Variants in ERC2 observed in about 807,000 individuals in gnomAD.
ERC2 encodes the protein ELKS/RAB6-interacting/CAST family member 2, also known as ERC protein 2.
ERC2 carries 42 observed loss-of-function variants against 114.8 expected under a neutral mutation model. The observed-to-expected ratio is 0.37, with a 90% CI of 0.29 to 0.47. ERC2 has a LOEUF of 0.47. Ranked by LOEUF, ERC2 falls within the 20% of genes least tolerant of loss-of-function variation. The pLI is 0.99. For missense variants in ERC2, 939 were observed against 1,150.7 expected (o/e 0.82, Z 2.66); for synonymous variants, 454 against 425.5 (o/e 1.07, Z -0.82).
At chr3:56,264,612 C>A (rs1447340444) in intron 3 of ERC2, among the ~76,000 whole-genome samples, 2 of 147,526 alleles carry the variant, frequency 1.4e-5, no homozygotes, top group African/African-American at 2.5e-5. Flanking sequence ...AAAAAAAAAT[C>A]AATAAGGCAA....
intron 3 of ERC2, among the ~76,000 whole-genome samples, chr3:56,280,541 C>G (rs534147288): frequency 6.6e-6 from 1 of 152,186 alleles, no homozygotes; most frequent in Non-Finnish European, 1.5e-5. Context: ...TCTGGACAGG[C>G]TAATCCCAAT....
chr3:55,896,977 T>C (rs1432996691), intron 13 of ERC2, among the ~76,000 whole-genome samples: 1 of 152,254 alleles, frequency 6.6e-6, no homozygotes, highest in Non-Finnish European at 1.5e-5. Flanking sequence ...GAATAATTCA[T>C]AACTGTTCAC....
chr3:55,677,250 C>T (rs981349871), intron 17 of ERC2, among the ~76,000 whole-genome samples: 1 of 152,196 alleles, frequency 6.6e-6, no homozygotes, highest in African/African-American at 2.4e-5. Flanking sequence ...AACAATCAAA[C>T]TTTCCTTTGC....
intron 2 of ERC2, among the ~76,000 whole-genome samples, chr3:56,376,823 G>A (rs2059563266): frequency 6.6e-6 from 1 of 152,078 alleles, no homozygotes; most frequent in Non-Finnish European, 1.5e-5. Flanking sequence ...AGCTAAGAGT[G>A]GGGCAGATTA....
At chr3:56,223,716 G>T (rs1171764495) in intron 3 of ERC2, among the ~76,000 whole-genome samples, 1 of 151,994 alleles carries the variant, frequency 6.6e-6, no homozygotes, top group African/African-American at 2.4e-5. Flanking sequence ...TTAGGACCCA[G>T]CCCTAGTAAT....
intron 1 of ERC2, among the ~76,000 whole-genome samples, chr3:56,461,155 C>G (rs75709692): frequency 0.021 from 3,201 of 152,138 alleles, 44 homozygotes; most frequent in Non-Finnish European, 0.031. Context: ...AGATGCCAGC[C>G]CACTCTTTTC....
chr3:56,441,048 A>T (rs574329408), intron 1 of ERC2, among the ~76,000 whole-genome samples: 1 of 152,294 alleles, frequency 6.6e-6, no homozygotes, highest in Admixed American at 6.5e-5. Context: ...AGTAGAGGAG[A>T]CACTGTTCCA....
At chr3:56,467,619 G>A (rs2063607791) in intron 1 of ERC2, among the ~76,000 whole-genome samples, 1 of 152,006 alleles carries the variant, frequency 6.6e-6, no homozygotes. Context: ...GAGATGGGGA[G>A]GAGGAGAGAA....
At position 56,387,365 on chromosome 3, in the gene ERC2, G is replaced by T. The variant is rs1415349297; in HGVS notation, c.657+46986C>A. Among the ~76,000 whole-genome samples, 4 of 152,196 alleles carry T rather than the reference G, an allele frequency of 2.6e-5. No individual in the cohort carries two copies. The East Asian group carries it at 7.7e-4, about 29-fold the overall frequency. The stretch of plus-strand genomic sequence containing the variant: ...CTCAAGGATTCTCATCACATTGTGG[G>T]TGTTCTTGGCTTCTCTTTAACCTGT... On this transcript the variant is annotated intron_variant, in intron 2 of 17. Transcript: ENST00000288221.
At chr3:55,969,333 G>T (rs1452102271) in intron 12 of ERC2, among the ~76,000 whole-genome samples, 1 of 151,832 alleles carries the variant, frequency 6.6e-6, no homozygotes, top group South Asian at 2.1e-4. Context: ...AAGATGGTAT[G>T]CTGGAGAGCC....
At chr3:56,415,999 G>A (rs1165689327) in intron 2 of ERC2, among the ~76,000 whole-genome samples, 1 of 152,134 alleles carries the variant, frequency 6.6e-6, no homozygotes, top group African/African-American at 2.4e-5. Flanking sequence ...ATTTTTGAGT[G>A]GCTTGGAGCC....
intron 12 of ERC2, among the ~76,000 whole-genome samples, chr3:55,956,690 C>A (rs1027758802): frequency 1.3e-5 from 2 of 152,128 alleles, no homozygotes; most frequent in African/African-American, 4.8e-5. Context: ...CAGGATAAGC[C>A]AGATCTCATG....
At chr3:56,075,197 C>A (rs530328812) in intron 7 of ERC2, among the ~76,000 whole-genome samples, 6 of 152,038 alleles carry the variant, frequency 3.9e-5, no homozygotes, top group Non-Finnish European at 7.4e-5. Context: ...AGTCACATAT[C>A]CCAGACTCTT....
At chr3:56,161,936 G>A (rs1288023927) in intron 4 of ERC2, among the ~76,000 whole-genome samples, 3 of 152,124 alleles carry the variant, frequency 2.0e-5, no homozygotes, top group African/African-American at 7.2e-5. Flanking sequence ...TACGAGTAAT[G>A]AGAGTGAGCA....
At chr3:56,239,940 G>C (rs1324396713) in intron 3 of ERC2, among the ~76,000 whole-genome samples, 15 of 152,208 alleles carry the variant, frequency 9.9e-5, no homozygotes, top group Admixed American at 9.8e-4. Context: ...ATTTGAGTGT[G>C]AGTTTCTTCA....
rs1336095434 is a variant in ERC2, at chr3:55,508,533, A to G, written c.*2783T>C. The stretch of plus-strand genomic sequence containing the variant: ...TATCGATGTCCATAATCACATGGTC[A>G]ATATCACAACCCACATGCCACTCAC... On this transcript the variant is annotated 3_prime_UTR_variant, in exon 18 of 18. Transcript: ENST00000288221. 6.6e-6 allele frequency: 1 copy of G among 152,526 alleles called. No individual in the cohort carries two copies. Among genetic ancestry groups the G allele is most frequent in the African/African-American group, 2.4e-5 (1 of 41,404 alleles). The allele number at this position is 152,526 out of a possible 1,614,324, so 9.4% of individuals were successfully genotyped here. A position where few individuals can be genotyped will look rare whatever the true frequency, so the allele number is the denominator to read the frequency against.
intron 3 of ERC2, among the ~76,000 whole-genome samples, chr3:56,229,330 G>GTGCTTCTACCATTCTT (rs2050456861): frequency 6.6e-6 from 1 of 152,160 alleles, no homozygotes. Flanking sequence ...TACATAGAAG[G>GTGCTTCTACCATTCTT]TGCTTCTACC....
At chr3:56,301,487 C>T (rs2055871341) in intron 2 of ERC2, among the ~76,000 whole-genome samples, 1 of 152,038 alleles carries the variant, frequency 6.6e-6, no homozygotes, top group African/African-American at 2.4e-5. Context: ...TAATCTTATC[C>T]ATCCTCCCTC....
At chr3:56,428,259 G>A (rs2061649336) in intron 2 of ERC2, among the ~76,000 whole-genome samples, 3 of 152,226 alleles carry the variant, frequency 2.0e-5, no homozygotes, top group Non-Finnish European at 4.4e-5. Context: ...GGTGGCTCAC[G>A]CCTGTAATCC....
Sources: allele counts gnomAD v4.1 joint callset (sites outside exome capture counted in the v4.1 genomes callset), GRCh38; gene constraint gnomAD v4.1.1; transcripts MANE v1.5; gene names NCBI Gene and HGNC (gene_info 2026-07-23, HGNC 2026-07-21).